The following TMEM243 variants were observed in gnomAD, a reference collection of about 807,000 sequenced individuals.
TMEM243 encodes transmembrane protein 243, also known as MDR1 and mitochondrial taxol resistance associated.
In TMEM243, 20 loss-of-function variants were observed where a neutral mutation model predicts 15.0. That is an observed-to-expected ratio of 1.33 (90% CI 0.94 to 1.93). The LOEUF (loss-of-function observed/expected upper bound fraction) is 1.93. Ranked by LOEUF, TMEM243 falls within the 30% of genes most tolerant of loss-of-function variation. The pLI, the probability that TMEM243 is intolerant of heterozygous loss-of-function variation, is 0.00. For synonymous variants in TMEM243, 72 were observed against 52.7 expected (o/e 1.37, Z -1.59); for missense variants, 156 against 142.1 (o/e 1.10, Z -0.50).
chr7:87,210,164 G>A (rs1359848221), intron 1 of TMEM243, among the ~76,000 whole-genome samples: 1 of 152,054 alleles, frequency 6.6e-6, no homozygotes, highest in African/African-American at 2.4e-5. Context: ...AGACAGCACT[G>A]GGGGATGGTG....
chr7:87,202,522 T>G (rs751574185), intron 1 of TMEM243, among the ~76,000 whole-genome samples: 4 of 152,156 alleles, frequency 2.6e-5, no homozygotes, highest in Non-Finnish European at 5.9e-5. Flanking sequence ...GATGGAGATA[T>G]ATGCAACTGG....
intron 1 of TMEM243, chr7:87,202,874 C>G (rs1801917952): frequency 6.6e-6 from 1 of 152,192 alleles, no homozygotes; most frequent in Non-Finnish European, 1.5e-5. Flanking sequence ...TCAGTTCTTA[C>G]ACTTTATGGT....
At chr7:87,209,654 GAC>G (rs1407857730) in intron 1 of TMEM243, among the ~76,000 whole-genome samples, 1 of 26,360 alleles carries the variant, frequency 3.8e-5, no homozygotes, top group Non-Finnish European at 5.9e-5. Context: ...GACAGTGAGA[GAC>G]AGAGCGAGAG....
chr7:87,208,815 C>G (rs556673472), intron 1 of TMEM243, among the ~76,000 whole-genome samples: 140 of 152,332 alleles, frequency 9.2e-4, no homozygotes, highest in African/African-American at 3.2e-3. Context: ...TCAGACAAAG[C>G]CAAGCCACAT....
In TMEM243 at chr7:87,197,915, CTG is replaced by C. The variant is rs773502909; in HGVS notation, c.234+24_234+25del. ...ATTGCAACTTAAACCCTCAAGAACA[CTG>C]TTTAAATTCTCAACAGTACTTACAA... is the stretch of plus-strand genomic sequence containing the variant. On this transcript the variant is annotated intron_variant, in intron 3 of 3. Coordinates refer to ENST00000257637, the MANE Select transcript of TMEM243 (RefSeq NM_024315.4). 5.1e-5 allele frequency: 83 copies of C among 1,612,638 alleles called. 1 individual carries two copies. The Admixed American group carries it at 1.3e-3, about 26-fold the overall frequency.
At chr7:87,219,340 C>G in intron 1 of TMEM243, 86 bp downstream of exon 1, 3 of 1,337,484 alleles carry the variant, frequency 2.2e-6, no homozygotes, top group Non-Finnish European at 2.1e-6. Flanking sequence ...TTTTAGGAGC[C>G]GCAGAAAGAC....
In TMEM243 at chr7:87,208,297, G is replaced by A. The variant is rs142658221; in HGVS notation, c.79-9240C>T. 1.9e-4 allele frequency among the ~76,000 whole-genome samples: 29 copies of A among 152,312 alleles called. 1 individual carries two copies. Among genetic ancestry groups the A allele is most frequent in the African/African-American group, 6.3e-4 (26 of 41,562 alleles). On this transcript the variant is annotated intron_variant, in intron 1 of 3. Coordinates refer to ENST00000257637, the MANE Select transcript of TMEM243 (RefSeq NM_024315.4). ...ACTTCCTAGATACAATGGGAGTATAGGCATTGGGTAAATACACACATTCCA... is the reference window on the plus strand; with the variant it reads ...ACTTCCTAGATACAATGGGAGTATAAGCATTGGGTAAATACACACATTCCA...
At chr7:87,216,579 A>G (rs1382267945) in intron 1 of TMEM243, among the ~76,000 whole-genome samples, 1 of 152,246 alleles carries the variant, frequency 6.6e-6, no homozygotes, top group African/African-American at 2.4e-5. Flanking sequence ...CATGCTAAAG[A>G]TTGAACAAAT....
rs200064118 is a variant in TMEM243 at position 87,219,498 on chromosome 7, C to T, written c.6G>A (p.Glu2=). 2.1e-4 allele frequency: 339 copies of T among 1,614,194 alleles called. 3 individuals are homozygous for T. In the East Asian group the frequency reaches 7.5e-3, roughly 36 times the overall value. M[E]DFATRTYGTS... is the part of the protein sequence containing the mutation. ...TGCCGTAGGTCCTGGTAGCAAAGTC[C>T]TCCATTTTGGGGTTTCTTCACTTTC... The change falls in exon 1 of 4, where the codon GAG becomes GAA. Residue 2 remains glutamate, a synonymous_variant. Transcript: ENST00000257637.
rs572639085 is a variant in TMEM243, at chr7:87,219,606, A to T, written c.-103T>A. The T allele has an allele frequency of 5.7e-5, 60 of 1,061,700 alleles. No homozygotes were observed. The African/African-American group carries it at 6.8e-4, about 12-fold the overall frequency. The allele number at this position is 1,061,700 out of a possible 1,614,324, so 65.8% of individuals were successfully genotyped here. Reference sequence around the variant, plus strand: ...CAAGCCTCCTCCTCACGGCTCCCGCATAGCCGAACCCGAGTGGTCGGGGAA... The same window carrying T: ...CAAGCCTCCTCCTCACGGCTCCCGCTTAGCCGAACCCGAGTGGTCGGGGAA... On this transcript the variant is annotated 5_prime_UTR_variant, in exon 1 of 4. It removes an upstream start codon present in the reference 5' UTR. Transcript: ENST00000257637.
chr7:87,198,706 TG>T (rs2129220579), intron 2 of TMEM243: 1 of 422,096 alleles, frequency 2.4e-6, no homozygotes, highest in African/African-American at 2.1e-5. Flanking sequence ...AAAATAGAAA[TG>T]GGGAATTATG....
At chr7:87,199,772 G>A (rs773676706) in intron 1 of TMEM243, among the ~76,000 whole-genome samples, 16 of 152,082 alleles carry the variant, frequency 1.1e-4, no homozygotes, top group Non-Finnish European at 1.6e-4. Flanking sequence ...GGCCCAGTGT[G>A]GTTAAATTAT....
intron 1 of TMEM243, chr7:87,199,661 C>G (rs1801637728): frequency 6.6e-6 from 1 of 152,146 alleles, no homozygotes; most frequent in African/African-American, 2.4e-5. Context: ...GAATGAAGAA[C>G]CTACCTACTG....
rs1801583031 is a variant in TMEM243, at chr7:87,198,935, A to C, written c.129+72T>G. Reference sequence around the variant, plus strand: ...AGCACTTATTTAGCTTTTTTTGGAAAGTTAACCATAATTGATAAAGTTTTC... The same window carrying C: ...AGCACTTATTTAGCTTTTTTTGGAACGTTAACCATAATTGATAAAGTTTTC... On this transcript the variant is annotated intron_variant, in intron 2 of 3. Coordinates refer to ENST00000257637, the MANE Select transcript of TMEM243 (RefSeq NM_024315.4). 3 of 1,352,138 alleles carry C rather than the reference A, an allele frequency of 2.2e-6. No homozygotes were observed. In the African/African-American group the frequency reaches 4.6e-5, roughly 21 times the overall value. The allele number at this position is 1,352,138 out of a possible 1,614,324, so 83.8% of individuals were successfully genotyped here.
intron 1 of TMEM243, among the ~76,000 whole-genome samples, chr7:87,207,872 C>CAT (rs1802342079): frequency 6.6e-6 from 1 of 152,186 alleles, no homozygotes; most frequent in South Asian, 2.1e-4. Flanking sequence ...AGACATCCTA[C>CAT]CCCTGGGAAG....
At chr7:87,203,953 T>C (rs534716769) in intron 1 of TMEM243, among the ~76,000 whole-genome samples, 2 of 152,342 alleles carry the variant, frequency 1.3e-5, no homozygotes, top group East Asian at 3.9e-4. Flanking sequence ...CTCATCTGTA[T>C]TAGTTTCCAC....
chr7:87,198,754 A>G (rs575960943), intron 2 of TMEM243: 551 of 492,034 alleles, frequency 1.1e-3, no homozygotes, highest in Non-Finnish European at 1.5e-3. Context: ...AGCCACTGAC[A>G]TTTTTACAAA....
chr7:87,219,329 C>A (rs1803325680), intron 1 of TMEM243, 97 bp downstream of exon 1: 4 of 1,226,632 alleles, frequency 3.3e-6, no homozygotes, highest in Non-Finnish European at 3.6e-6. Flanking sequence ...CCTAAAAGTG[C>A]TTTTAGGAGC....
intron 1 of TMEM243, among the ~76,000 whole-genome samples, chr7:87,214,473 T>C (rs1802969416): frequency 6.6e-6 from 1 of 152,288 alleles, no homozygotes; most frequent in African/African-American, 2.4e-5. Context: ...CCAAAGTATA[T>C]TCTGCAGAAA....
Sources: gnomAD v4.1 joint callset for allele counts (sites outside exome capture counted in the v4.1 genomes callset) on GRCh38, gnomAD v4.1.1 for gene constraint, MANE v1.5 for transcripts, NCBI Gene and HGNC (gene_info 2026-07-23, HGNC 2026-07-21) for gene names.